The following VPS39 variants were observed in gnomAD, a reference collection of about 807,000 sequenced individuals.
VPS39 encodes vam6/Vps39-like protein.
Under a neutral mutation model 121.0 loss-of-function variants are expected in VPS39, and 70 were observed. The ratio of observed to expected loss-of-function variants is 0.58; its 90% confidence interval spans 0.48 to 0.71. The LOEUF is 0.71. Ranked by LOEUF, VPS39 falls within the 30% of genes least tolerant of loss-of-function variation. The probability of loss-of-function intolerance (pLI) is 0.00; values close to 1 mark genes in which losing one functional copy is unlikely to be tolerated. For missense variants in VPS39, 818 were observed against 1,051.5 expected, an observed-to-expected ratio of 0.78 and a Z score of 3.07; for synonymous variants, 378 against 398.1, an observed-to-expected ratio of 0.95 and a Z score of 0.60.
At chr15:42,187,622 A>G in intron 6 of VPS39, 136 bp downstream of exon 6, 1 of 822,398 alleles carries the variant, frequency 1.2e-6, no homozygotes, top group African/African-American at 1.7e-5. Flanking sequence ...ACAAGTAGGC[A>G]TCAACAAGCT....
chr15:42,160,886 G>T lies in VPS39; in HGVS notation c.2553-57C>A, dbSNP rs770788641. ...ACTGCTTCTAAGTGACCACTTCTCT[G>T]GCAGCGGCACCTCCTACAGAAGAGG... On this transcript the variant is annotated intron_variant, in intron 24 of 24. Coordinates refer to ENST00000318006, the MANE Select transcript of VPS39 (RefSeq NM_015289.5). 3.8e-6 allele frequency: 6 copies of T among 1,569,456 alleles called. No individual in the cohort carries two copies. The African/African-American group carries it at 8.1e-5, about 21-fold the overall frequency.
In VPS39 at chr15:42,184,707, GAA is replaced by G. The variant is rs753173745; in HGVS notation, c.535-9_535-8del. The G allele has an allele frequency of 1.2e-6, 2 of 1,605,180 alleles. No individual in the cohort carries two copies. The highest frequency in any genetic ancestry group is 4.5e-5 in the East Asian group (2 of 44,776). ...TGGACCCCTTTCCATCCACCTATAGGAAGAAACAGAGTGAGTCACCTAGCATT... is the reference window on the plus strand; with the variant it reads ...TGGACCCCTTTCCATCCACCTATAGGGAAACAGAGTGAGTCACCTAGCATT... On this transcript the variant is annotated splice_region_variant and splice_polypyrimidine_tract_variant and intron_variant, in intron 7 of 24. Coordinates refer to ENST00000318006, the MANE Select transcript of VPS39 (RefSeq NM_015289.5).
intron 16 of VPS39, 32 bp downstream of exon 16, chr15:42,166,127 C>G: frequency 1.2e-6 from 2 of 1,600,222 alleles, no homozygotes; most frequent in South Asian, 2.2e-5. Context: ...CAAGTGTTTA[C>G]CAGATAAATC....
intron 4 of VPS39, among the ~76,000 whole-genome samples, chr15:42,189,899 C>A (rs567404822): frequency 4.4e-5 from 6 of 134,932 alleles, no homozygotes; most frequent in Admixed American, 1.7e-4. Context: ...ACAGCCTTAA[C>A]CTCCTTGAGA....
At chr15:42,199,866 T>C (rs757522569) in intron 2 of VPS39, 30 bp downstream of exon 2, 1 of 1,558,046 alleles carries the variant, frequency 6.4e-7, no homozygotes, top group Admixed American at 2.2e-5. Context: ...TATTAAAACT[T>C]ATTTTTTTGC....
At position 42,184,555 on chromosome 15, in the gene VPS39, T is replaced by C. The variant is rs201555772; in HGVS notation, c.680A>G (p.Lys227Arg). ...TATGTCCGTCCAGTTCAGGGCACAT[T>C]TCTGTGTGCAGATCCCTTCCTCATT... The part of the protein sequence containing the change: ...VLNEEGICTQ[K>R]CALNWTDIPV... The change falls in exon 8 of 25, where the codon AAA (lysine) becomes AGA (arginine). Residue 227 changes from lysine (K) to arginine (R), a missense_variant. By Grantham distance (26) the Lys-to-Arg change is conservative. Transcript: ENST00000318006. The C allele has an allele frequency of 3.1e-6, 5 of 1,613,604 alleles. No homozygotes were observed. Among genetic ancestry groups the C allele is most frequent in the Non-Finnish European group, 4.2e-6 (5 of 1,179,892 alleles).
intron 22 of VPS39, 67 bp from the exon 23 acceptor site, chr15:42,162,233 A>G: frequency 6.2e-7 from 1 of 1,608,270 alleles, no homozygotes; most frequent in East Asian, 2.2e-5. Context: ...AAATGTCTGC[A>G]GCCGTGGAGC....
chr15:42,187,681 G>A (rs2049731725), intron 6 of VPS39, 77 bp downstream of exon 6: 1 of 1,279,574 alleles, frequency 7.8e-7, no homozygotes, highest in African/African-American at 1.5e-5. Context: ...TGACAAGACT[G>A]GAGTCCTGAA....
chr15:42,183,098 T>C (rs1367904218), intron 8 of VPS39, among the ~76,000 whole-genome samples: 5 of 148,656 alleles, frequency 3.4e-5, no homozygotes, highest in Non-Finnish European at 7.4e-5. Flanking sequence ...GAACATGATG[T>C]GTTTTTTGTT....
chr15:42,160,747 G>A lies in VPS39; in HGVS notation c.*7C>T, dbSNP rs767768641. 1 of 1,613,402 alleles carries A rather than the reference G, an allele frequency of 6.2e-7. No individual in the cohort carries two copies. Among genetic ancestry groups the A allele is most frequent in the Admixed American group, 1.7e-5 (1 of 60,030 alleles). On this transcript the variant is annotated 3_prime_UTR_variant, in exon 25 of 25. Transcript: ENST00000318006. The stretch of plus-strand genomic sequence containing the variant: ...TGTCCATCCGCTGGATCCCCAGGAT[G>A]CTGGGCTCAAGTGTCAGCTGGGTTT...
At chr15:42,207,341 C>A (rs615023) in intron 1 of VPS39, among the ~76,000 whole-genome samples, 1 of 152,120 alleles carries the variant, frequency 6.6e-6, no homozygotes, top group Non-Finnish European at 1.5e-5. Context: ...CAGTCACTCA[C>A]GGATAAGAGC....
intron 1 of VPS39, 32 bp from the exon 2 acceptor site, chr15:42,199,993 C>T: frequency 6.6e-7 from 1 of 1,506,256 alleles, no homozygotes; most frequent in South Asian, 1.3e-5. Context: ...AAAACAAAAA[C>T]AAAAAAAAAC....
chr15:42,192,339 A>G (rs1595675960), intron 2 of VPS39, among the ~76,000 whole-genome samples: 1 of 152,326 alleles, frequency 6.6e-6, no homozygotes, highest in Middle Eastern at 3.4e-3. Flanking sequence ...AGGTATTATT[A>G]TTCCAAGCTC....
chr15:42,207,283 A>G (rs995932427), intron 1 of VPS39, among the ~76,000 whole-genome samples: 3 of 152,172 alleles, frequency 2.0e-5, no homozygotes, highest in African/African-American at 7.2e-5. Context: ...AAACATTAAG[A>G]GGAAAGTTAG....
chr15:42,190,375 C>T (rs1312827332), intron 4 of VPS39, among the ~76,000 whole-genome samples: 1 of 152,160 alleles, frequency 6.6e-6, no homozygotes, highest in Non-Finnish European at 1.5e-5. Flanking sequence ...CCAGGAACAA[C>T]ATTTAACATG....
At chr15:42,189,728 C>CAAAA (rs35437812) in intron 4 of VPS39, among the ~76,000 whole-genome samples, 5 of 71,864 alleles carry the variant, frequency 7.0e-5, no homozygotes, top group East Asian at 4.6e-4. Flanking sequence ...GACTCCGTCT[C>CAAAA]AAAAAAAAAA....
chr15:42,162,996 A>ACAAT, intron 21 of VPS39, among the ~76,000 whole-genome samples: 1 of 152,312 alleles, frequency 6.6e-6, no homozygotes, highest in South Asian at 2.1e-4. Flanking sequence ...CTCAGTCACA[A>ACAAT]CAATCAAAAA....
Position 42,167,465 on chromosome 15 carries a change from T to C in VPS39, c.1306A>G (p.Thr436Ala). ...TTCTTCTTGGATTTGATGGTGGGAG[T>C]GCCTTCCATGAGCGGTGAGGTGCTT... ...QSSTSPLMEG[T>A]PTIKSKKKLL... is the part of the protein sequence containing the mutation. Residue 436 changes from threonine (T) to alanine (A), a missense_variant, in exon 13 of 25, where the codon ACT becomes GCT. Thr to Ala is a moderately conservative substitution (Grantham distance 58). Transcript: ENST00000318006. The C allele has an allele frequency of 6.2e-7, 1 of 1,614,078 alleles. No homozygotes were observed. The highest frequency in any genetic ancestry group is 1.6e-4 in the Middle Eastern group (1 of 6,062).
intron 19 of VPS39, 141 bp downstream of exon 19, chr15:42,164,217 G>A (rs2049196000): frequency 7.8e-6 from 10 of 1,286,130 alleles, no homozygotes; most frequent in Admixed American, 2.2e-5. Context: ...CTTCAGAGAG[G>A]ACAAAACAGG....
Sources: gnomAD v4.1 joint callset for allele counts (sites outside exome capture counted in the v4.1 genomes callset) on GRCh38, gnomAD v4.1.1 for gene constraint, MANE v1.5 for transcripts, NCBI Gene and HGNC (gene_info 2026-07-23, HGNC 2026-07-21) for gene names.